Variants in DSCAM observed in about 807,000 individuals in gnomAD.
DSCAM encodes DS cell adhesion molecule, also known as cell adhesion molecule DSCAM.
In DSCAM, 47 loss-of-function variants were observed where a neutral mutation model predicts 217.7. That is an observed-to-expected ratio of 0.22 (90% CI 0.17 to 0.28). DSCAM has a LOEUF of 0.28. DSCAM is among the 10% of genes least tolerant of loss of function. The pLI is 1.00. For synonymous variants in DSCAM, 1,056 were observed against 1,015.3 expected (o/e 1.04, Z -0.76); for missense variants, 2,080 against 2,618.3 (o/e 0.79, Z 4.49).
chr21:40,290,731 C>A (rs1320377801), intron 10 of DSCAM, among the ~76,000 whole-genome samples: 3 of 152,212 alleles, frequency 2.0e-5, no homozygotes, highest in Non-Finnish European at 4.4e-5. Flanking sequence ...TGTGCTCCCT[C>A]CAAGGAGACA....
At chr21:40,202,013 T>C (rs2091075098) in intron 11 of DSCAM, among the ~76,000 whole-genome samples, 1 of 152,214 alleles carries the variant, frequency 6.6e-6, no homozygotes, top group Non-Finnish European at 1.5e-5. Flanking sequence ...ATAAAAGGAC[T>C]GTAGCTTCTA....
At chr21:40,717,890 G>A (rs1328507023) in intron 1 of DSCAM, among the ~76,000 whole-genome samples, 1 of 152,202 alleles carries the variant, frequency 6.6e-6, no homozygotes, top group African/African-American at 2.4e-5. Flanking sequence ...TGAAGTTTGA[G>A]AAAGTAAACA....
At chr21:40,283,544 C>T (rs1054010184) in intron 10 of DSCAM, among the ~76,000 whole-genome samples, 2 of 152,162 alleles carry the variant, frequency 1.3e-5, no homozygotes, top group African/African-American at 4.8e-5. Context: ...AATGAGCCCA[C>T]TTTGAAGGCA....
At chr21:40,255,914 C>T (rs537967980) in intron 11 of DSCAM, among the ~76,000 whole-genome samples, 31 of 152,284 alleles carry the variant, frequency 2.0e-4, no homozygotes, top group African/African-American at 7.2e-4. Flanking sequence ...AAGAGGAGCA[C>T]AGTGCTGCGG....
chr21:40,128,480 C>T (rs1182093175), intron 19 of DSCAM, among the ~76,000 whole-genome samples: 1 of 151,916 alleles, frequency 6.6e-6, no homozygotes, highest in Admixed American at 6.6e-5. Context: ...ACTTGACTTT[C>T]AGTTAATGAA....
chr21:40,578,629 T>C (rs985239802), intron 3 of DSCAM, among the ~76,000 whole-genome samples: 1 of 152,182 alleles, frequency 6.6e-6, no homozygotes, highest in African/African-American at 2.4e-5. Context: ...ACCTTTGTTC[T>C]TTTGCTCTTC....
At chr21:40,502,421 A>T (rs950620395) in intron 3 of DSCAM, among the ~76,000 whole-genome samples, 2 of 152,186 alleles carry the variant, frequency 1.3e-5, no homozygotes, top group African/African-American at 4.8e-5. Flanking sequence ...AAGAATACCA[A>T]GGTATTATCT....
chr21:40,436,255 T>C (rs925044041), intron 3 of DSCAM, among the ~76,000 whole-genome samples: 5 of 152,224 alleles, frequency 3.3e-5, no homozygotes, highest in Non-Finnish European at 7.3e-5. Flanking sequence ...TTTCTTCATC[T>C]AAAAATAGTT....
At chr21:40,642,301 G>A (rs763264878) in intron 3 of DSCAM, among the ~76,000 whole-genome samples, 1 of 152,106 alleles carries the variant, frequency 6.6e-6, no homozygotes, top group Non-Finnish European at 1.5e-5. Flanking sequence ...CACTGGAGGC[G>A]GAGAGCACAG....
chr21:40,472,028 G>A lies in DSCAM; in HGVS notation c.509-102783C>T, dbSNP rs541182523. 1.6e-4 allele frequency among the ~76,000 whole-genome samples: 25 copies of A among 152,234 alleles called. No individual in the cohort carries two copies. The East Asian group carries it at 2.5e-3, about 15-fold the overall frequency. ...CTCATTGTTCAATTCCCACCTATGA[G>A]TGAGAACATGCGGTGTTTGGTTTTT... On this transcript the variant is annotated intron_variant, in intron 3 of 32. Coordinates refer to ENST00000400454, the MANE Select transcript of DSCAM (RefSeq NM_001389.5).
chr21:40,492,813 C>G (rs1395820324), intron 3 of DSCAM, among the ~76,000 whole-genome samples: 2 of 152,022 alleles, frequency 1.3e-5, no homozygotes, highest in Non-Finnish European at 2.9e-5. Flanking sequence ...AGAACACTTA[C>G]TTAAAAAACT....
intron 18 of DSCAM, among the ~76,000 whole-genome samples, chr21:40,136,003 A>G (rs2090204445): frequency 6.6e-6 from 1 of 152,352 alleles, no homozygotes; most frequent in Non-Finnish European, 1.5e-5. Flanking sequence ...CACCAGAAGC[A>G]GACAGTTCTG....
At chr21:40,663,367 C>A (rs1212145474) in intron 3 of DSCAM, among the ~76,000 whole-genome samples, 1 of 151,812 alleles carries the variant, frequency 6.6e-6, no homozygotes, top group Admixed American at 6.6e-5. Flanking sequence ...AGGGCCAGGT[C>A]ACTGAACACC....
chr21:40,526,260 C>T (rs147109193), intron 3 of DSCAM, among the ~76,000 whole-genome samples: 1 of 152,160 alleles, frequency 6.6e-6, no homozygotes, highest in South Asian at 2.1e-4. Context: ...GAGCACTTTG[C>T]AGAACTTAGT....
At chr21:40,401,507 A>T (rs1277240061) in intron 3 of DSCAM, among the ~76,000 whole-genome samples, 1 of 152,212 alleles carries the variant, frequency 6.6e-6, no homozygotes, top group African/African-American at 2.4e-5. Context: ...CAGCAATTTT[A>T]TCCACCATTG....
intron 3 of DSCAM, among the ~76,000 whole-genome samples, chr21:40,594,017 T>C (rs1164332268): frequency 6.6e-6 from 1 of 152,212 alleles, no homozygotes; most frequent in East Asian, 1.9e-4. Flanking sequence ...CTTAGGTCCA[T>C]TCATTTATCC....
At chr21:40,786,223 C>T (rs1416614323) in intron 1 of DSCAM, among the ~76,000 whole-genome samples, 3 of 138,006 alleles carry the variant, frequency 2.2e-5, no homozygotes, top group Admixed American at 8.1e-5. Flanking sequence ...GCAACAAGAG[C>T]GAAACTCAGT....
At chr21:40,107,978 C>A (rs187310042) in intron 20 of DSCAM, among the ~76,000 whole-genome samples, 9 of 152,276 alleles carry the variant, frequency 5.9e-5, no homozygotes, top group African/African-American at 2.2e-4. Context: ...ATGTTAAAAA[C>A]TCTCAATAAA....
intron 1 of DSCAM, among the ~76,000 whole-genome samples, chr21:40,784,004 T>A (rs1051353459): frequency 6.6e-6 from 1 of 151,190 alleles, no homozygotes; most frequent in Admixed American, 6.6e-5. Flanking sequence ...AAGAAAATTT[T>A]CTTTTAAAAC....
Sources: allele counts gnomAD v4.1 joint callset (sites outside exome capture counted in the v4.1 genomes callset), GRCh38; gene constraint gnomAD v4.1.1; transcripts MANE v1.5; gene names NCBI Gene and HGNC (gene_info 2026-07-23, HGNC 2026-07-21).